The following TFDP1 variants were observed in gnomAD, a reference collection of about 807,000 sequenced individuals.
TFDP1 encodes transcription factor Dp-1, also known as DRTF1-polypeptide 1.
A neutral mutation model predicts 48.0 loss-of-function variants in TFDP1; 6 were observed. The ratio of observed to expected loss-of-function variants is 0.13; its 90% CI spans 0.07 to 0.25. The LOEUF (loss-of-function observed/expected upper bound fraction) is 0.25. Ranked by LOEUF, TFDP1 falls within the 10% of genes least tolerant of loss-of-function variation. The pLI is 1.00. For missense variants in TFDP1, 335 were observed against 543.0 expected, an observed-to-expected ratio of 0.62 and a Z score of 3.81; for synonymous variants, 201 against 211.6, an observed-to-expected ratio of 0.95 and a Z score of 0.44.
At chr13:113,624,033 G>A (rs528771310) in intron 4 of TFDP1, among the ~76,000 whole-genome samples, 203 of 152,268 alleles carry the variant, frequency 1.3e-3, no homozygotes, top group Non-Finnish European at 2.2e-3. Context: ...AGGCTAGGCC[G>A]GGCTTCCAGT....
chr13:113,626,316 C>T (rs903697443), intron 4 of TFDP1, among the ~76,000 whole-genome samples: 2 of 152,206 alleles, frequency 1.3e-5, no homozygotes, highest in South Asian at 4.1e-4. Context: ...ATATTTTGGT[C>T]ATTTTTGCAC....
chr13:113,606,396 A>G (rs1470541376), intron 2 of TFDP1, among the ~76,000 whole-genome samples: 1 of 152,170 alleles, frequency 6.6e-6, no homozygotes, highest in African/African-American at 2.4e-5. Flanking sequence ...TTTGGTGTCC[A>G]GTGAGAACCA....
intron 3 of TFDP1, among the ~76,000 whole-genome samples, chr13:113,613,886 TGA>T (rs1394157088): frequency 4.0e-5 from 6 of 151,294 alleles, no homozygotes; most frequent in South Asian, 2.1e-4. Flanking sequence ...TGAGTGGATG[TGA>T]GTGTACCTGT....
At chr13:113,630,086 C>T (rs2049293776) in intron 4 of TFDP1, among the ~76,000 whole-genome samples, 1 of 152,172 alleles carries the variant, frequency 6.6e-6, no homozygotes, top group Non-Finnish European at 1.5e-5. Context: ...AGCGCGCTCT[C>T]AGGCAGCCTG....
chr13:113,606,708 CAG>C (rs1254420377), intron 2 of TFDP1, among the ~76,000 whole-genome samples: 1 of 152,176 alleles, frequency 6.6e-6, no homozygotes, highest in Non-Finnish European at 1.5e-5. Flanking sequence ...GATCTGTAAA[CAG>C]AGGCAGTCTA....
chr13:113,626,711 A>T (rs924310097), intron 4 of TFDP1, among the ~76,000 whole-genome samples: 5 of 152,212 alleles, frequency 3.3e-5, no homozygotes, highest in African/African-American at 1.2e-4. Context: ...CTTTTCAACC[A>T]CGTTGCACAG....
chr13:113,616,938 C>T (rs1210708536), intron 3 of TFDP1, among the ~76,000 whole-genome samples: 1 of 152,202 alleles, frequency 6.6e-6, no homozygotes, highest in East Asian at 1.9e-4. Flanking sequence ...AAAAGCCCAG[C>T]CTCTGTTTTT....
At chr13:113,614,653 G>A (rs1205175738) in intron 3 of TFDP1, among the ~76,000 whole-genome samples, 1 of 152,210 alleles carries the variant, frequency 6.6e-6, no homozygotes, top group Non-Finnish European at 1.5e-5. Context: ...TCCACTCCAC[G>A]TCACAGCCTC....
rs1361387351 is a variant in TFDP1 at position 113,627,154 on chromosome 13, G to A, written c.186+3868G>A. ...ACTGGACTGGCTCATTCTGACACGA[G>A]GGGTGGGGCTCAGTCCGGGCATGTG... On this transcript the variant is annotated intron_variant, in intron 4 of 11. Coordinates refer to ENST00000375370, the MANE Select transcript of TFDP1 (RefSeq NM_007111.5). This position sits in a 1 kb window ranked among gnomAD's most constrained non-coding sequence, Gnocchi z 4.1. 6.6e-6 allele frequency among the ~76,000 whole-genome samples: 1 copy of A among 152,178 alleles called. No individual in the cohort carries two copies. Among genetic ancestry groups the A allele is most frequent in the Non-Finnish European group, 1.5e-5 (1 of 68,020 alleles).
intron 2 of TFDP1, among the ~76,000 whole-genome samples, chr13:113,600,427 T>C (rs9604171): frequency 1.2e-3 from 161 of 134,578 alleles, no homozygotes; most frequent in South Asian, 1.7e-3. Flanking sequence ...TCCAGGACTG[T>C]GAGAGAGAAC....
At chr13:113,636,492 G>A (rs778336208) in intron 9 of TFDP1, 42 bp from the exon 10 acceptor site, 9 of 1,603,654 alleles carry the variant, frequency 5.6e-6, no homozygotes, top group African/African-American at 2.7e-5. Flanking sequence ...TACCGTCTCC[G>A]CTGGGAGACC....
At chr13:113,628,097 T>C (rs1296848668) in intron 4 of TFDP1, among the ~76,000 whole-genome samples, 3 of 151,998 alleles carry the variant, frequency 2.0e-5, no homozygotes. Flanking sequence ...GTGTAAAGAC[T>C]GTCTGGAGCC....
chr13:113,590,184 C>T (rs923428758), intron 2 of TFDP1, among the ~76,000 whole-genome samples: 2 of 152,186 alleles, frequency 1.3e-5, no homozygotes, highest in African/African-American at 4.8e-5. Context: ...CTGTGGACGT[C>T]ACTGCCCGGT....
intron 2 of TFDP1, 78 bp from the exon 3 acceptor site, chr13:113,610,918 T>C: frequency 7.5e-7 from 1 of 1,333,678 alleles, no homozygotes; most frequent in Non-Finnish European, 1.1e-6. Context: ...ATAGAACCCT[T>C]GAGGGTGGTT....
chr13:113,596,859 G>T (rs992887589), intron 2 of TFDP1, among the ~76,000 whole-genome samples: 1 of 152,208 alleles, frequency 6.6e-6, no homozygotes, highest in Non-Finnish European at 1.5e-5. Context: ...GCCCTGCTTC[G>T]TGTTTTTGGG....
intron 2 of TFDP1, among the ~76,000 whole-genome samples, chr13:113,593,821 G>A (rs533496029): frequency 0.025 from 3,651 of 143,674 alleles, 61 homozygotes; most frequent in Non-Finnish European, 0.034. Flanking sequence ...GGTGTCAGGC[G>A]TGATGCGTGT....
chr13:113,627,498 T>C lies in TFDP1; in HGVS notation c.187-4125T>C, dbSNP rs73577484. On this transcript the variant is annotated intron_variant, in intron 4 of 11. Transcript: ENST00000375370. The surrounding 1 kb of genome is among the most constrained non-coding windows in gnomAD (Gnocchi z 4.1). ...TCTCTCTGGACACCGCGGTTAACCT[T>C]GGTCCATCTCTAGGATTCTGTGTCT... 9.2e-3 allele frequency among the ~76,000 whole-genome samples: 1,403 copies of C among 152,288 alleles called. 19 individuals carry two copies. The highest frequency in any genetic ancestry group is 0.032 in the African/African-American group (1,346 of 41,554).
chr13:113,594,260 G>A (rs2048228645), intron 2 of TFDP1, among the ~76,000 whole-genome samples: 1 of 149,436 alleles, frequency 6.7e-6, no homozygotes, highest in South Asian at 2.1e-4. Flanking sequence ...CAGGTGTGGT[G>A]TACGTGGGTC....
At chr13:113,604,019 G>A (rs1238655405) in intron 2 of TFDP1, among the ~76,000 whole-genome samples, 1 of 152,014 alleles carries the variant, frequency 6.6e-6, no homozygotes, top group Non-Finnish European at 1.5e-5. Flanking sequence ...AAAAAAATTA[G>A]CCAGGCATGG....
Sources: gnomAD v4.1 joint callset for allele counts (sites outside exome capture counted in the v4.1 genomes callset) on GRCh38, gnomAD v4.1.1 for gene constraint, Gnocchi (gnomAD v3.1) non-coding constraint, MANE v1.5 for transcripts, NCBI Gene and HGNC (gene_info 2026-07-23, HGNC 2026-07-21) for gene names.